POC1B: variants seen among roughly 807,000 people sequenced by gnomAD.
POC1B encodes the protein POC1 centriolar protein B, also known as POC1 centriolar protein homolog B.
In POC1B, 44 loss-of-function variants were observed where a neutral mutation model predicts 60.6. The observed-to-expected ratio is 0.73, with a 90% CI of 0.57 to 0.93. The LOEUF (loss-of-function observed/expected upper bound fraction) is 0.93, where lower values mean the gene tolerates loss of function less well. Among genes scored for constraint, POC1B ranks in the 40% least tolerant of loss-of-function variants. The pLI is 0.00. For synonymous variants in POC1B, 180 were observed against 198.9 expected (o/e 0.90, Z 0.80); for missense variants, 555 against 572.3 (o/e 0.97, Z 0.31).
intron 2 of POC1B, chr12:89,522,830 A>C (rs1178492300): frequency 1.3e-6 from 2 of 1,584,964 alleles, no homozygotes; most frequent in Admixed American, 3.7e-5. Flanking sequence ...TCAAAACTCC[A>C]AATTTGATTT....
chr12:89,459,703 C>A lies in POC1B; in HGVS notation c.1048G>T (p.Glu350Ter). Residue 350 changes from glutamate to a stop codon, truncating the protein, a stop_gained, in exon 10 of 12, where the codon GAG becomes TAG. Transcript: ENST00000313546. LOFTEE classifies it high-confidence loss of function. ...GTAGAGATCTGCAAATCGATTACCT[C>A]AAGCTTTGGATTAATCTGTGTATAT... The part of the protein sequence containing the change: ...VETVEINPKL[E>*]VIDLQISTPP... 1 of 1,541,512 alleles carries A rather than the reference C, an allele frequency of 6.5e-7. No homozygotes were observed. The highest frequency in any genetic ancestry group is 8.8e-7 in the Non-Finnish European group (1 of 1,141,590).
intron 4 of POC1B, among the ~76,000 whole-genome samples, chr12:89,480,586 A>G (rs1430614564): frequency 7.1e-6 from 1 of 141,126 alleles, no homozygotes; most frequent in East Asian, 2.0e-4. Flanking sequence ...ATGCCTGGCT[A>G]ATTTTTGTAT....
chr12:89,479,519 C>A (rs1216537052), intron 4 of POC1B, among the ~76,000 whole-genome samples: 2 of 152,050 alleles, frequency 1.3e-5, no homozygotes, highest in Non-Finnish European at 2.9e-5. Flanking sequence ...ATTTTAAAAG[C>A]ATGAATGTAT....
At chr12:89,511,821 AG>A (rs1870203428) in intron 2 of POC1B, among the ~76,000 whole-genome samples, 1 of 152,212 alleles carries the variant, frequency 6.6e-6, no homozygotes, top group Non-Finnish European at 1.5e-5. Context: ...TGGGAGGCCA[AG>A]GCAGGTGAAT....
chr12:89,495,633 T>C (rs752603510), intron 3 of POC1B, among the ~76,000 whole-genome samples: 3 of 152,154 alleles, frequency 2.0e-5, no homozygotes, highest in Non-Finnish European at 4.4e-5. Flanking sequence ...CCCCAGTCTT[T>C]TTGGCACCAG....
rs946549817 is a variant in POC1B, at chr12:89,503,245, C to T, written c.101-5903G>A. ...TTCTCCTGCCTCAGCCTGCCGAGTG[C>T]CTGCGATTGCAGGCACGCGCCGCCA... On this transcript the variant is annotated intron_variant, in intron 2 of 11. Coordinates refer to ENST00000313546, the MANE Select transcript of POC1B (RefSeq NM_172240.3). Among the ~76,000 whole-genome samples the T allele has an allele frequency of 3.9e-5, 6 of 151,924 alleles. No homozygotes were observed. The East Asian group carries it at 9.7e-4, about 25-fold the overall frequency.
chr12:89,432,605 T>C (rs909693071), intron 10 of POC1B, among the ~76,000 whole-genome samples: 1 of 152,058 alleles, frequency 6.6e-6, no homozygotes, highest in African/African-American at 2.4e-5. Flanking sequence ...TGTAGATATG[T>C]GATGTAATGC....
At chr12:89,486,062 G>C (rs759691379) in intron 4 of POC1B, among the ~76,000 whole-genome samples, 2 of 152,072 alleles carry the variant, frequency 1.3e-5, no homozygotes, top group African/African-American at 2.4e-5. Context: ...TCTTCATCTT[G>C]TTACCCCCTA....
At chr12:89,443,017 T>A (rs1470917941) in intron 10 of POC1B, among the ~76,000 whole-genome samples, 2 of 152,202 alleles carry the variant, frequency 1.3e-5, no homozygotes, top group Admixed American at 1.3e-4. Flanking sequence ...GGCCATTACA[T>A]AATGGTCAAG....
At chr12:89,471,323 C>G (rs987796782) in intron 6 of POC1B, among the ~76,000 whole-genome samples, 9 of 152,184 alleles carry the variant, frequency 5.9e-5, no homozygotes, top group African/African-American at 1.7e-4. Context: ...TCAGTCATTT[C>G]TATCCTGACT....
At chr12:89,409,247 T>C in the POC1B span, among the ~76,000 whole-genome samples, 1 of 152,226 alleles carries the variant, frequency 6.6e-6, no homozygotes, top group Non-Finnish European at 1.5e-5. Context: ...CGGTTTTTAA[T>C]GGTTTTAGGT....
In POC1B at chr12:89,459,702, T is replaced by A. The variant is rs565844372; in HGVS notation, c.1049A>T (p.Glu350Val). Residue 350 changes from glutamate (E) to valine (V), a missense_variant, in exon 10 of 12, where the codon GAG becomes GTG. Glu to Val is a moderately radical substitution (Grantham distance 121, BLOSUM62 -2). Coordinates refer to ENST00000313546, the MANE Select transcript of POC1B (RefSeq NM_172240.3). ...VETVEINPKL[E>V]VIDLQISTPP... ...AGTAGAGATCTGCAAATCGATTACC[T>A]CAAGCTTTGGATTAATCTGTGTATA... 2 of 1,542,812 alleles carry A rather than the reference T, an allele frequency of 1.3e-6. No individual in the cohort carries two copies. The highest frequency in any genetic ancestry group is 2.6e-5 in the South Asian group (2 of 78,314).
chr12:89,504,764 A>G (rs1235941587), intron 2 of POC1B, among the ~76,000 whole-genome samples: 2 of 152,228 alleles, frequency 1.3e-5, no homozygotes, highest in East Asian at 3.8e-4. Context: ...TTTACAACAC[A>G]TATATCCAAC....
chr12:89,410,679 A>AAAAAAAAAAAAAAAG, the POC1B span, among the ~76,000 whole-genome samples: 1 of 5,650 alleles, frequency 1.8e-4, no homozygotes, highest in African/African-American at 4.2e-4. Flanking sequence ...ACTCCGTCTC[A>AAAAAAAAAAAAAAAG]AAAAAAAAAA....
chr12:89,463,233 TC>T (rs1882542585), intron 9 of POC1B, among the ~76,000 whole-genome samples: 1 of 152,180 alleles, frequency 6.6e-6, no homozygotes, highest in Admixed American at 6.5e-5. Flanking sequence ...CTGAAAGCCA[TC>T]AGAACATTAT....
At chr12:89,410,805 A>C in the POC1B span, among the ~76,000 whole-genome samples, 1 of 152,248 alleles carries the variant, frequency 6.6e-6, no homozygotes, top group Admixed American at 6.5e-5. Flanking sequence ...AAAGCTATTC[A>C]AATAGGAAAA....
intron 10 of POC1B, among the ~76,000 whole-genome samples, chr12:89,447,344 G>A (rs974557746): frequency 3.3e-5 from 5 of 152,000 alleles, no homozygotes; most frequent in Non-Finnish European, 7.4e-5. Flanking sequence ...ACGGAACATT[G>A]AAATATGTAA....
At chr12:89,438,458 AAAACAAACAAAC>A (rs373774915) in intron 10 of POC1B, among the ~76,000 whole-genome samples, 1 of 152,216 alleles carries the variant, frequency 6.6e-6, no homozygotes, top group African/African-American at 2.4e-5. Flanking sequence ...CTCCGTCTCA[AAAACAAACAAAC>A]AAACAAACAA....
At chr12:89,478,282 C>A (rs1325671593) in intron 4 of POC1B, among the ~76,000 whole-genome samples, 2 of 152,154 alleles carry the variant, frequency 1.3e-5, no homozygotes, top group African/African-American at 2.4e-5. Flanking sequence ...CCATATCTGG[C>A]TAATTTATGT....
Sources: allele counts gnomAD v4.1 joint callset (sites outside exome capture counted in the v4.1 genomes callset), GRCh38; gene constraint gnomAD v4.1.1; transcripts MANE v1.5; gene names NCBI Gene and HGNC (gene_info 2026-07-23, HGNC 2026-07-21).